The following RPS6KA6 variants were observed in gnomAD, a reference collection of about 807,000 sequenced individuals.
RPS6KA6 encodes the protein ribosomal protein S6 kinase A6, also known as ribosomal protein S6 kinase alpha-6.
RPS6KA6 carries 27 observed loss-of-function variants against 65.4 expected under a neutral mutation model. That is an observed-to-expected ratio of 0.41 (90% CI 0.30 to 0.57). The LOEUF is 0.57. RPS6KA6 is among the 20% of genes least tolerant of loss of function. The pLI is 0.24. For synonymous variants in RPS6KA6, 190 were observed against 184.2 expected (o/e 1.03, Z -0.26); for missense variants, 486 against 555.6 (o/e 0.87, Z 1.26).
intron 12 of RPS6KA6, among the ~76,000 whole-genome samples, chrX:84,114,265 A>G (rs1228253760): frequency 9.0e-6 from 1 of 111,106 alleles, no homozygotes; most frequent in African/African-American, 3.3e-5. Flanking sequence ...AGGCAGGAGA[A>G]TCGCTTGAAC....
rs1173653044 is a variant in RPS6KA6, at chrX:84,061,067, G to C, written c.*3210C>G. ...AATTTCGTTGATGGAGTATTGCTGTGAGGTGCTCAAATAAGATAGATAGCA... is the reference window on the plus strand; with the variant it reads ...AATTTCGTTGATGGAGTATTGCTGTCAGGTGCTCAAATAAGATAGATAGCA... On this transcript the variant is annotated 3_prime_UTR_variant, in exon 22 of 22. Coordinates refer to ENST00000262752, the MANE Select transcript of RPS6KA6 (RefSeq NM_014496.5). 8.9e-6 allele frequency: 1 copy of C among 112,032 alleles called. No homozygotes were observed. Among genetic ancestry groups the C allele is most frequent in the Admixed American group, 9.5e-5 (1 of 10,561 alleles). The allele number at this position is 112,032 out of a possible 1,213,427, so 9.2% of individuals were successfully genotyped here.
At chrX:84,074,064 C>A (rs535964008) in intron 20 of RPS6KA6, among the ~76,000 whole-genome samples, 100 of 111,997 alleles carry the variant, frequency 8.9e-4, no homozygotes, top group African/African-American at 3.0e-3. Context: ...GAAAAGATAT[C>A]TGCACTCCTA....
chrX:84,095,274 C>G (rs964811903), intron 20 of RPS6KA6, among the ~76,000 whole-genome samples: 2 of 112,355 alleles, frequency 1.8e-5, no homozygotes, highest in African/African-American at 6.5e-5. Context: ...TAAGCAATTA[C>G]TTTTGTCATA....
intron 3 of RPS6KA6, among the ~76,000 whole-genome samples, chrX:84,149,815 A>G (rs923087244): frequency 9.0e-6 from 1 of 111,509 alleles, no homozygotes; most frequent in South Asian, 3.7e-4. Flanking sequence ...CTTCAACTTA[A>G]AAGTTCCAGG....
At chrX:84,094,904 A>G (rs2034123298) in intron 20 of RPS6KA6, among the ~76,000 whole-genome samples, 1 of 112,097 alleles carries the variant, frequency 8.9e-6, no homozygotes, top group African/African-American at 3.2e-5. Flanking sequence ...CTGGATGACT[A>G]GAAAATACAT....
chrX:84,106,246 CTT>C, intron 15 of RPS6KA6, 117 bp downstream of exon 15: 2 of 637,884 alleles, frequency 3.1e-6, no homozygotes, highest in Non-Finnish European at 4.8e-6. Flanking sequence ...TCTCAGAGTT[CTT>C]TCTCATCATC....
chrX:84,160,910 T>TA (rs747532952), intron 2 of RPS6KA6, among the ~76,000 whole-genome samples: 3 of 111,332 alleles, frequency 2.7e-5, no homozygotes, highest in South Asian at 7.6e-4. Flanking sequence ...GCAGAACACT[T>TA]AGTTTTGTAA....
At chrX:84,113,673 A>G (rs1318921785) in intron 12 of RPS6KA6, among the ~76,000 whole-genome samples, 4 of 111,986 alleles carry the variant, frequency 3.6e-5, no homozygotes, top group Non-Finnish European at 7.5e-5. Context: ...CCAACATCAT[A>G]CCAAATGCAG....
chrX:84,110,673 C>A lies in RPS6KA6; in HGVS notation c.1009-2948G>T, dbSNP rs1288877290. On this transcript the variant is annotated intron_variant, in intron 12 of 21. Coordinates refer to ENST00000262752, the MANE Select transcript of RPS6KA6 (RefSeq NM_014496.5). Reference sequence around the variant, plus strand: ...CCCAACCTACTCTACAGTCACACCCCCCAAGAGGGGCGGCGGCAGGGGGTG... The same window carrying A: ...CCCAACCTACTCTACAGTCACACCCACCAAGAGGGGCGGCGGCAGGGGGTG... Among the ~76,000 whole-genome samples the A allele has an allele frequency of 2.7e-5, 3 of 111,341 alleles. No individual in the cohort carries two copies. In the South Asian group the frequency reaches 1.1e-3, roughly 42 times the overall value.
At chrX:84,118,091 C>T (rs1469748589) in intron 9 of RPS6KA6, among the ~76,000 whole-genome samples, 1 of 111,938 alleles carries the variant, frequency 8.9e-6, no homozygotes, top group South Asian at 3.7e-4. Context: ...TAAAAAAAGA[C>T]TACCTCTAAA....
Position 84,146,979 on chromosome X carries a change from A to G in RPS6KA6, c.420T>C (p.Tyr140=), listed in dbSNP as rs1402521566. 4 of 1,089,896 alleles carry G rather than the reference A, an allele frequency of 3.7e-6. No individual in the cohort carries two copies. Among genetic ancestry groups the G allele is most frequent in the South Asian group, 2.0e-5 (1 of 50,470 alleles). The allele number at this position is 1,089,896 out of a possible 1,213,427, so 89.8% of individuals were successfully genotyped here. A position where few individuals can be genotyped will look rare whatever the true frequency, so the allele number is the denominator to read the frequency against. Reference sequence around the variant, plus strand: ...AAAGAATAAAAAAAGATTACATACCATAGTGCAATTTGACAATAAATGGAT... The same window carrying G: ...AAAGAATAAAAAAAGATTACATACCGTAGTGCAATTTGACAATAAATGGAT... ...VNHPFIVKLH[Y]AFQTEGKLYL... The change falls in exon 5 of 22, where the codon TAT becomes TAC. Residue 140 remains tyrosine (Y), a splice_region_variant and synonymous_variant. Transcript: ENST00000262752.
intron 6 of RPS6KA6, among the ~76,000 whole-genome samples, chrX:84,144,784 AC>A (rs2035170893): frequency 9.0e-6 from 1 of 111,134 alleles, no homozygotes; most frequent in African/African-American, 3.3e-5. Flanking sequence ...AAATCCATCA[AC>A]AAGTGAATGA....
At chrX:84,150,284 T>A (rs1354452607) in intron 3 of RPS6KA6, among the ~76,000 whole-genome samples, 2 of 111,620 alleles carry the variant, frequency 1.8e-5, no homozygotes, top group Non-Finnish European at 3.8e-5. Context: ...GCTGTTTCAC[T>A]TTCTTCTTAT....
In RPS6KA6 at chrX:84,061,862, T is replaced by A; in HGVS notation, c.*2415A>T. 1 of 111,635 alleles carries A rather than the reference T, an allele frequency of 9.0e-6. No individual in the cohort carries two copies. Among genetic ancestry groups the A allele is most frequent in the Non-Finnish European group, 1.9e-5 (1 of 52,999 alleles). The allele number at this position is 111,635 out of a possible 1,213,427, so 9.2% of individuals were successfully genotyped here. On this transcript the variant is annotated 3_prime_UTR_variant, in exon 22 of 22. Coordinates refer to ENST00000262752, the MANE Select transcript of RPS6KA6 (RefSeq NM_014496.5). ...ATTGATAGAAGTCCCATCAAAAAAA[T>A]GTTCAATCCAAATCTGCATTTTTGG... is the stretch of plus-strand genomic sequence containing the variant.
chrX:84,181,957 T>C (rs749331216), intron 1 of RPS6KA6, among the ~76,000 whole-genome samples: 2 of 109,909 alleles, frequency 1.8e-5, no homozygotes, highest in South Asian at 7.9e-4. Context: ...ATTTCCCATA[T>C]ACCATCTCAA....
At chrX:84,169,100 A>C (rs773381068) in intron 1 of RPS6KA6, among the ~76,000 whole-genome samples, 1 of 112,302 alleles carries the variant, frequency 8.9e-6, no homozygotes, top group African/African-American at 3.2e-5. Context: ...TTCCCCAATT[A>C]AGTGCCAAAT....
intron 8 of RPS6KA6, among the ~76,000 whole-genome samples, chrX:84,128,115 A>G (rs778293434): frequency 8.9e-6 from 1 of 111,992 alleles, no homozygotes; most frequent in Non-Finnish European, 1.9e-5. Flanking sequence ...CAAACTCAGC[A>G]AAGTTGCAGG....
chrX:84,114,760 CACAT>C (rs907493447), intron 12 of RPS6KA6, among the ~76,000 whole-genome samples: 5 of 111,613 alleles, frequency 4.5e-5, no homozygotes, highest in African/African-American at 1.6e-4. Context: ...CAAAAATAGA[CACAT>C]AGATCAATGG....
intron 6 of RPS6KA6, among the ~76,000 whole-genome samples, chrX:84,140,248 G>T (rs1382302693): frequency 9.0e-6 from 1 of 111,131 alleles, no homozygotes; most frequent in Admixed American, 9.6e-5. Flanking sequence ...TAATCAGAAG[G>T]ATTTTGCTTC....
Sources: gnomAD v4.1 joint callset for allele counts (sites outside exome capture counted in the v4.1 genomes callset) on GRCh38, gnomAD v4.1.1 for gene constraint, MANE v1.5 for transcripts, NCBI Gene and HGNC (gene_info 2026-07-23, HGNC 2026-07-21) for gene names.